The following CNTNAP2 variants were observed in gnomAD, a reference collection of about 807,000 sequenced individuals.
CNTNAP2 encodes contactin-associated protein-like 2.
A neutral mutation model predicts 155.2 loss-of-function variants in CNTNAP2; 98 were observed. The ratio of observed to expected loss-of-function variants is 0.63; its 90% CI spans 0.54 to 0.75. The LOEUF (loss-of-function observed/expected upper bound fraction) is 0.75, where lower values mean the gene tolerates loss of function less well. CNTNAP2 is among the 30% of genes least tolerant of loss of function. The probability of loss-of-function intolerance (pLI) is 0.00; values close to 1 mark genes in which losing one functional copy is unlikely to be tolerated. For missense variants in CNTNAP2, 1,727 were observed against 1,688.1 expected, an observed-to-expected ratio of 1.02 and a Z score of -0.40; for synonymous variants, 651 against 631.2, an observed-to-expected ratio of 1.03 and a Z score of -0.47.
At chr7:147,646,313 T>G (rs2116934589) in intron 13 of CNTNAP2, among the ~76,000 whole-genome samples, 1 of 152,336 alleles carries the variant, frequency 6.6e-6, no homozygotes, top group Middle Eastern at 3.4e-3. Flanking sequence ...TGGTGGTCAC[T>G]TAGCTTTAAC....
Position 148,263,615 on chromosome 7 carries a change from G to T in CNTNAP2, c.3382-3418G>T, listed in dbSNP as rs867068872. On this transcript the variant is annotated intron_variant, in intron 20 of 23. Transcript: ENST00000361727. ...AGCCGGGCGTGGTGGCGGGCGCCTG[G>T]AGTCCCAGCTACTAGGGAGGCTGAG... 3.5e-3 allele frequency among the ~76,000 whole-genome samples: 524 copies of T among 151,736 alleles called. 16 individuals carry two copies. Among genetic ancestry groups the T allele is most frequent in the Admixed American group, 0.032 (483 of 15,228 alleles).
At chr7:147,895,633 C>T (rs1368060882) in intron 13 of CNTNAP2, among the ~76,000 whole-genome samples, 1 of 152,186 alleles carries the variant, frequency 6.6e-6, no homozygotes, top group Admixed American at 6.5e-5. Flanking sequence ...TCTTTCCTCA[C>T]CACTTTTTGC....
At chr7:148,092,533 C>A (rs530139725) in intron 15 of CNTNAP2, among the ~76,000 whole-genome samples, 1 of 152,250 alleles carries the variant, frequency 6.6e-6, no homozygotes, top group South Asian at 2.1e-4. Context: ...TCTGAGTGAA[C>A]CAGCACCTCC....
chr7:147,094,567 AT>A (rs769148177), intron 4 of CNTNAP2, among the ~76,000 whole-genome samples: 15,067 of 145,670 alleles, frequency 0.1, 1,307 homozygotes, highest in African/African-American at 0.22. Flanking sequence ...ACGCCTGGCT[AT>A]TTTTTTTTTT....
At chr7:146,180,747 C>T (rs1254721800) in intron 1 of CNTNAP2, among the ~76,000 whole-genome samples, 1 of 152,152 alleles carries the variant, frequency 6.6e-6, no homozygotes, top group African/African-American at 2.4e-5. Flanking sequence ...ATCTTCACCA[C>T]AGTCTTTGAA....
intron 21 of CNTNAP2, among the ~76,000 whole-genome samples, chr7:148,366,523 A>G (rs75323062): frequency 0.025 from 3,823 of 152,310 alleles, 71 homozygotes; most frequent in Non-Finnish European, 0.039. Context: ...CACTCTTTCT[A>G]TAAAATTAAG....
At chr7:146,978,578 TTC>T (rs1797956355) in intron 3 of CNTNAP2, among the ~76,000 whole-genome samples, 1 of 151,998 alleles carries the variant, frequency 6.6e-6, no homozygotes, top group African/African-American at 2.4e-5. Context: ...CCTCATTGTG[TTC>T]TCTCTCTCCC....
intron 1 of CNTNAP2, among the ~76,000 whole-genome samples, chr7:146,518,191 C>T (rs1797568401): frequency 6.6e-6 from 1 of 151,108 alleles, no homozygotes; most frequent in Non-Finnish European, 1.5e-5. Flanking sequence ...ATTCAAGTTA[C>T]CATAGAATTG....
At chr7:146,546,971 G>T (rs186399155) in intron 1 of CNTNAP2, among the ~76,000 whole-genome samples, 1 of 151,918 alleles carries the variant, frequency 6.6e-6, no homozygotes, top group African/African-American at 2.4e-5. Context: ...ACAGTAATAG[G>T]TATCTCTGTT....
intron 9 of CNTNAP2, among the ~76,000 whole-genome samples, chr7:147,319,724 TATA>T (rs1053209029): frequency 4.6e-5 from 7 of 152,218 alleles, no homozygotes; most frequent in African/African-American, 1.7e-4. Context: ...ATATTATAGA[TATA>T]ATAATATTAA....
chr7:146,545,826 T>G (rs1174685434), intron 1 of CNTNAP2, among the ~76,000 whole-genome samples: 1 of 151,988 alleles, frequency 6.6e-6, no homozygotes, highest in African/African-American at 2.4e-5. Context: ...ATCCCATTAC[T>G]GGGTATATAC....
At chr7:147,753,078 T>C (rs1797162835) in intron 13 of CNTNAP2, among the ~76,000 whole-genome samples, 1 of 152,254 alleles carries the variant, frequency 6.6e-6, no homozygotes, top group Non-Finnish European at 1.5e-5. Flanking sequence ...AGAATGCTCC[T>C]GTTATCTGGA....
rs138298573 is a variant in CNTNAP2, at chr7:146,276,849, C to T, written c.97+159876C>T. Among the ~76,000 whole-genome samples, 409 of 152,266 alleles carry T rather than the reference C, an allele frequency of 2.7e-3. 2 individuals are homozygous for T. The highest frequency in any genetic ancestry group is 9.2e-3 in the African/African-American group (384 of 41,554). ...GTGCTTGGGTATTTAAATAAAAATA[C>T]TAAATGACTGAATTAGAAGTGTAAA... On this transcript the variant is annotated intron_variant, in intron 1 of 23. Coordinates refer to ENST00000361727, the MANE Select transcript of CNTNAP2 (RefSeq NM_014141.6).
intron 11 of CNTNAP2, among the ~76,000 whole-genome samples, chr7:147,550,134 A>G (rs1799823685): frequency 6.6e-6 from 1 of 152,138 alleles, no homozygotes; most frequent in Non-Finnish European, 1.5e-5. Context: ...AAATCACTCA[A>G]TTTGATCATG....
At chr7:147,629,116 C>G (rs886603337) in intron 12 of CNTNAP2, among the ~76,000 whole-genome samples, 1 of 151,948 alleles carries the variant, frequency 6.6e-6, no homozygotes, top group South Asian at 2.1e-4. Context: ...AAATAACGGA[C>G]ATAGGCCGAC....
chr7:146,527,560 AGCTTG>A (rs1797709335), intron 1 of CNTNAP2, among the ~76,000 whole-genome samples: 1 of 150,156 alleles, frequency 6.7e-6, no homozygotes, highest in African/African-American at 2.5e-5. Flanking sequence ...AAATAAGGTG[AGCTTG>A]GAAATTGATG....
chr7:148,050,353 G>A (rs1802865387), intron 15 of CNTNAP2, among the ~76,000 whole-genome samples: 1 of 152,142 alleles, frequency 6.6e-6, no homozygotes, highest in African/African-American at 2.4e-5. Context: ...CTAGGCTAAT[G>A]TGTGTGTTTG....
rs931278183 is a variant in CNTNAP2 at position 146,774,197 on chromosome 7, T to C, written c.98-74T>C. 11 of 1,065,988 alleles carry C rather than the reference T, an allele frequency of 1.0e-5. No homozygotes were observed. In the African/African-American group the frequency reaches 1.6e-4, roughly 15 times the overall value. The allele number at this position is 1,065,988 out of a possible 1,614,324, so 66.0% of individuals were successfully genotyped here. A position where few individuals can be genotyped will look rare whatever the true frequency, so the allele number is the denominator to read the frequency against. ...AGACATATCAGATTCAATGATTTTT[T>C]AACCAACACATACCAATCGTTATTT... is the stretch of plus-strand genomic sequence containing the variant. On this transcript the variant is annotated intron_variant, in intron 1 of 23. Coordinates refer to ENST00000361727, the MANE Select transcript of CNTNAP2 (RefSeq NM_014141.6).
intron 13 of CNTNAP2, among the ~76,000 whole-genome samples, chr7:147,661,427 T>C (rs894242414): frequency 6.6e-6 from 1 of 152,198 alleles, no homozygotes; most frequent in Admixed American, 6.5e-5. Flanking sequence ...ACTGAACTCA[T>C]GGGTAGTACA....
Sources: allele counts gnomAD v4.1 joint callset (sites outside exome capture counted in the v4.1 genomes callset), GRCh38; gene constraint gnomAD v4.1.1; transcripts MANE v1.5; gene names NCBI Gene and HGNC (gene_info 2026-07-23, HGNC 2026-07-21).